Variants in BRAF observed in about 807,000 individuals in gnomAD.
BRAF encodes the protein B-Raf proto-oncogene, serine/threonine kinase.
Under a neutral mutation model 104.6 loss-of-function variants are expected in BRAF, and 16 were observed. The observed-to-expected ratio is 0.15, with a 90% confidence interval of 0.10 to 0.23. BRAF has a LOEUF of 0.23. BRAF is among the 10% of genes least tolerant of loss of function. The probability of loss-of-function intolerance (pLI) is 1.00; values close to 1 mark genes in which losing one functional copy is unlikely to be tolerated. For synonymous variants in BRAF, 310 were observed against 341.6 expected, an observed-to-expected ratio of 0.91 and a Z score of 1.02; for missense variants, 541 against 937.3, an observed-to-expected ratio of 0.58 and a Z score of 5.52.
chr7:140,875,795 A>G (rs1812177183), intron 1 of BRAF, among the ~76,000 whole-genome samples: 1 of 152,262 alleles, frequency 6.6e-6, no homozygotes, highest in Non-Finnish European at 1.5e-5. Context: ...TACACATTTT[A>G]AAGTGCTGAA....
intron 14 of BRAF, among the ~76,000 whole-genome samples, chr7:140,769,486 ACAC>A (rs1173405058): frequency 1.3e-5 from 2 of 152,326 alleles, no homozygotes; most frequent in Non-Finnish European, 2.9e-5. Context: ...ATATACATAC[ACAC>A]CACTTTTTAA....
At chr7:140,813,202 T>C (rs1586256913) in intron 3 of BRAF, among the ~76,000 whole-genome samples, 1 of 152,046 alleles carries the variant, frequency 6.6e-6, no homozygotes, top group East Asian at 1.9e-4. Context: ...AAAATTGAGA[T>C]GAAGACCAAT....
chr7:140,845,417 G>A (rs1808439048), intron 2 of BRAF, among the ~76,000 whole-genome samples: 1 of 152,114 alleles, frequency 6.6e-6, no homozygotes, highest in South Asian at 2.1e-4. Context: ...CACACAATGG[G>A]AAAAATATTT....
At chr7:140,859,468 T>G (rs1810159964) in intron 1 of BRAF, among the ~76,000 whole-genome samples, 1 of 152,168 alleles carries the variant, frequency 6.6e-6, no homozygotes, top group Non-Finnish European at 1.5e-5. Context: ...TCTTTATTTT[T>G]CTCCACTAAA....
intron 1 of BRAF, among the ~76,000 whole-genome samples, chr7:140,893,492 G>A (rs1354010759): frequency 6.6e-6 from 1 of 151,976 alleles, no homozygotes; most frequent in Non-Finnish European, 1.5e-5. Flanking sequence ...CTCGTGATCT[G>A]CCCACCTCGG....
chr7:140,899,121 C>T (rs1462534000), intron 1 of BRAF, among the ~76,000 whole-genome samples: 1 of 152,110 alleles, frequency 6.6e-6, no homozygotes, highest in Non-Finnish European at 1.5e-5. Context: ...CTTCCTACTT[C>T]ATATATTCAC....
At chr7:140,882,434 G>GT (rs1813034483) in intron 1 of BRAF, among the ~76,000 whole-genome samples, 1 of 149,862 alleles carries the variant, frequency 6.7e-6, no homozygotes, top group Admixed American at 6.6e-5. Context: ...GGAGGGCAGA[G>GT]GCACGATCTC....
rs772330392 is a variant in BRAF, at chr7:140,739,808, T to C, written c.2247+4A>G. The C allele has an allele frequency of 1.2e-6, 2 of 1,611,946 alleles. No homozygotes were observed. Among genetic ancestry groups the C allele is most frequent in the Non-Finnish European group, 8.5e-7 (1 of 1,179,928 alleles). On this transcript the variant is annotated splice_donor_region_variant and intron_variant, in intron 18 of 19. Transcript: ENST00000644969. ...CTTTTGGATAGCATGAAGCTTTTAC[T>C]TACTTGGGGAAAGAGTGGTCTCTCA...
rs79550658 is a variant in BRAF at position 140,725,090 on chromosome 7, T to C, written c.*1404A>G. On this transcript the variant is annotated 3_prime_UTR_variant, in exon 20 of 20. Transcript: ENST00000644969. ...TCTGTCTGGGAATTCAGCTGCCAAA[T>C]TGCCCAACCTTTTGAAGACCAGGCT... The C allele has an allele frequency of 5.9e-5, 62 of 1,044,364 alleles. No individual in the cohort carries two copies. The highest frequency in any genetic ancestry group is 2.8e-4 in the African/African-American group (17 of 60,006). 64.7% of individuals were successfully genotyped at this position (1,044,364 alleles called of 1,614,324 possible).
intron 19 of BRAF, chr7:140,734,494 TA>T (rs200393520): frequency 7.3e-5 from 114 of 1,564,356 alleles, no homozygotes; most frequent in Middle Eastern, 6.9e-4. Context: ...TGGTTCACCT[TA>T]AAAAAAAAGA....
At chr7:140,885,399 A>G (rs182127517) in intron 1 of BRAF, among the ~76,000 whole-genome samples, 92 of 152,246 alleles carry the variant, frequency 6.0e-4, no homozygotes, top group Non-Finnish European at 9.3e-4. Context: ...TCTGTATTCA[A>G]TTTGTTGGAA....
At chr7:140,796,996 T>A (rs1802557523) in intron 7 of BRAF, among the ~76,000 whole-genome samples, 1 of 152,136 alleles carries the variant, frequency 6.6e-6, no homozygotes, top group Non-Finnish European at 1.5e-5. Context: ...AATCTCATCA[T>A]TTCTGGGAAT....
At chr7:140,835,458 T>C (rs1451529686) in intron 2 of BRAF, 2 of 154,378 alleles carry the variant, frequency 1.3e-5, no homozygotes, top group African/African-American at 4.8e-5. Context: ...CTTTCTGGAA[T>C]AGTTATCAGT....
At position 140,808,347 on chromosome 7, in the gene BRAF, G is replaced by A. The variant is rs1389145638; in HGVS notation, c.609-285C>T. 9 of 447,086 alleles carry A rather than the reference G, an allele frequency of 2.0e-5. No homozygotes were observed. The East Asian group carries it at 5.2e-4, about 26-fold the overall frequency. The allele number at this position is 447,086 out of a possible 1,614,324, so 27.7% of individuals were successfully genotyped here. ...ACAGCAGAAAATGGATTGTTCCTGG[G>A]GTCCAAAAAAAAAAAAAAAAAAAAA... On this transcript the variant is annotated intron_variant, in intron 4 of 19. Transcript: ENST00000644969.
At chr7:140,759,656 G>C (rs964676620) in intron 14 of BRAF, among the ~76,000 whole-genome samples, 3 of 152,204 alleles carry the variant, frequency 2.0e-5, no homozygotes, top group African/African-American at 7.2e-5. Flanking sequence ...AAACTGCTGG[G>C]ATTAGAGGCG....
At chr7:140,916,176 T>C (rs1183152997) in intron 1 of BRAF, among the ~76,000 whole-genome samples, 2 of 152,362 alleles carry the variant, frequency 1.3e-5, no homozygotes, top group East Asian at 1.9e-4. Context: ...CCTGTTATTT[T>C]GTTTTTAAAT....
chr7:140,922,013 G>C (rs552052128), intron 1 of BRAF, among the ~76,000 whole-genome samples: 1 of 151,986 alleles, frequency 6.6e-6, no homozygotes, highest in African/African-American at 2.4e-5. Flanking sequence ...TTTCTTGGAG[G>C]AATTTATTTT....
At chr7:140,886,100 T>G (rs532792437) in intron 1 of BRAF, among the ~76,000 whole-genome samples, 10 of 152,306 alleles carry the variant, frequency 6.6e-5, no homozygotes, top group African/African-American at 2.4e-4. Flanking sequence ...CACACCACCC[T>G]TTATTAGATG....
chr7:140,843,878 G>A (rs1320563479), intron 2 of BRAF, among the ~76,000 whole-genome samples: 5 of 152,024 alleles, frequency 3.3e-5, no homozygotes, highest in East Asian at 3.9e-4. Flanking sequence ...GCGTGGTGGC[G>A]GGCGCCTGTA....
Sources: allele counts gnomAD v4.1 joint callset (sites outside exome capture counted in the v4.1 genomes callset), GRCh38; gene constraint gnomAD v4.1.1; transcripts MANE v1.5; gene names NCBI Gene and HGNC (gene_info 2026-07-23, HGNC 2026-07-21).